The following BACH2 variants were observed in gnomAD, a reference collection of about 807,000 sequenced individuals.
BACH2 encodes BACH transcriptional regulator 2.
Under a neutral mutation model 61.8 loss-of-function variants are expected in BACH2, and 5 were observed. That is an observed-to-expected ratio of 0.08 (90% CI 0.04 to 0.17). BACH2 has a LOEUF of 0.17. Among genes scored for constraint, BACH2 ranks in the 10% least tolerant of loss-of-function variants. The pLI is 1.00. For missense variants in BACH2, 824 were observed against 1,091.1 expected, an observed-to-expected ratio of 0.76 and a Z score of 3.45; for synonymous variants, 446 against 440.1, an observed-to-expected ratio of 1.01 and a Z score of -0.17.
intron 3 of BACH2, among the ~76,000 whole-genome samples, chr6:90,224,536 AAAC>A (rs1285064165): frequency 2.6e-5 from 4 of 152,238 alleles, no homozygotes; most frequent in African/African-American, 9.6e-5. Context: ...AAATAGTGGA[AAAC>A]ACTATTTCAA....
intron 5 of BACH2, among the ~76,000 whole-genome samples, chr6:90,052,118 G>A (rs1361176991): frequency 6.6e-6 from 1 of 152,152 alleles, no homozygotes; most frequent in African/African-American, 2.4e-5. Flanking sequence ...ATGAGGGCAA[G>A]TTTTGTAATT....
intron 1 of BACH2, among the ~76,000 whole-genome samples, chr6:90,295,703 A>T (rs1772332499): frequency 6.6e-6 from 1 of 150,706 alleles, no homozygotes; most frequent in Admixed American, 6.6e-5. Context: ...GACTTCATGG[A>T]GGATCTGTGG....
chr6:89,968,466 A>ATTGTTT (rs1192449748), intron 6 of BACH2, among the ~76,000 whole-genome samples: 3 of 152,236 alleles, frequency 2.0e-5, no homozygotes, highest in African/African-American at 7.2e-5. Context: ...TTAAGAAGGC[A>ATTGTTT]ATAACATTAC....
intron 1 of BACH2, among the ~76,000 whole-genome samples, chr6:90,285,571 C>T (rs561707568): frequency 1.3e-4 from 20 of 152,160 alleles, no homozygotes; most frequent in Admixed American, 2.0e-4. Flanking sequence ...TGAGGCATAT[C>T]CAGAAATGCT....
chr6:90,100,537 A>G (rs1468357683), intron 4 of BACH2, among the ~76,000 whole-genome samples: 1 of 152,214 alleles, frequency 6.6e-6, no homozygotes, highest in Non-Finnish European at 1.5e-5. Flanking sequence ...GAATACTGAC[A>G]GCAGACTCCC....
chr6:90,222,952 T>C (rs554081529), intron 3 of BACH2, among the ~76,000 whole-genome samples: 6 of 152,292 alleles, frequency 3.9e-5, no homozygotes, highest in Admixed American at 1.3e-4. Context: ...CGCGCACCCC[T>C]GCTCTCTTTA....
chr6:89,946,493 T>G (rs1182385551), intron 7 of BACH2, among the ~76,000 whole-genome samples: 2 of 152,214 alleles, frequency 1.3e-5, no homozygotes, highest in African/African-American at 2.4e-5. Context: ...CTACTAACAG[T>G]AGGGTCACAA....
intron 6 of BACH2, among the ~76,000 whole-genome samples, chr6:89,987,435 C>T (rs998582519): frequency 6.6e-6 from 1 of 152,110 alleles, no homozygotes; most frequent in African/African-American, 2.4e-5. Flanking sequence ...TGAGTCCATG[C>T]CCCAGGTGGC....
chr6:89,967,744 C>A (rs1424991793), intron 6 of BACH2, among the ~76,000 whole-genome samples: 1 of 152,154 alleles, frequency 6.6e-6, no homozygotes, highest in African/African-American at 2.4e-5. Flanking sequence ...AGACTCAAAG[C>A]AAAAGGGAAA....
chr6:89,981,695 A>T (rs930650120), intron 6 of BACH2, among the ~76,000 whole-genome samples: 5 of 152,234 alleles, frequency 3.3e-5, no homozygotes, highest in African/African-American at 1.2e-4. Context: ...TAGTGGTAAC[A>T]TTATTTTCAA....
chr6:90,015,808 A>G (rs1490118069), intron 5 of BACH2, among the ~76,000 whole-genome samples: 2 of 152,176 alleles, frequency 1.3e-5, no homozygotes, highest in African/African-American at 4.8e-5. Flanking sequence ...CAAGTCTTCT[A>G]ATATCTTTTC....
At chr6:90,137,129 A>G (rs1031290002) in intron 4 of BACH2, among the ~76,000 whole-genome samples, 22 of 152,172 alleles carry the variant, frequency 1.4e-4, no homozygotes, top group African/African-American at 5.3e-4. Context: ...AGACAGAAAG[A>G]GGGACAGGCT....
intron 4 of BACH2, among the ~76,000 whole-genome samples, chr6:90,112,370 C>A (rs1032640467): frequency 6.6e-6 from 1 of 152,142 alleles, no homozygotes; most frequent in Non-Finnish European, 1.5e-5. Flanking sequence ...AGGTCAACTA[C>A]AAAGGGATCC....
intron 4 of BACH2, among the ~76,000 whole-genome samples, chr6:90,100,706 C>CACACACACACACACAG (rs1782580992): frequency 2.0e-4 from 28 of 143,280 alleles, no homozygotes; most frequent in Admixed American, 1.7e-3. Flanking sequence ...CACACAGACA[C>CACACACACACACACAG]ACACACACAC....
chr6:90,139,783 C>G (rs1221491674), intron 4 of BACH2, among the ~76,000 whole-genome samples: 1 of 152,120 alleles, frequency 6.6e-6, no homozygotes, highest in Non-Finnish European at 1.5e-5. Flanking sequence ...ACTAAGAAAT[C>G]CCTTTTAGCT....
intron 5 of BACH2, among the ~76,000 whole-genome samples, chr6:90,015,700 T>C (rs1246593785): frequency 1.3e-5 from 2 of 152,210 alleles, no homozygotes; most frequent in East Asian, 1.9e-4. Context: ...GTGACCCACC[T>C]TGGTAAATAC....
chr6:89,972,611 G>C (rs563872003), intron 6 of BACH2, among the ~76,000 whole-genome samples: 1 of 152,266 alleles, frequency 6.6e-6, no homozygotes, highest in South Asian at 2.1e-4. Context: ...ATAAATTTTG[G>C]AGGAGGATAG....
In BACH2 at chr6:89,932,600, T is replaced by A; in HGVS notation, c.2334A>T (p.Gly778=). Residue 778 remains glycine (G), a synonymous_variant, in exon 9 of 9, where the codon GGA becomes GGT. Transcript: ENST00000257749. ...AGGTGTTGCTGGGTGCCCAGGGGGG[T>A]CCGGGGGGAGCCGCGCCTGGCTCCA... ...CCLEPGAAPP[G]PPWAPSNTSE... The A allele has an allele frequency of 1.2e-6, 2 of 1,613,968 alleles. No homozygotes were observed. The highest frequency in any genetic ancestry group is 1.1e-5 in the South Asian group (1 of 91,068).
chr6:90,137,016 T>C (rs1004639653), intron 4 of BACH2, among the ~76,000 whole-genome samples: 2 of 152,088 alleles, frequency 1.3e-5, no homozygotes, highest in Admixed American at 1.3e-4. Flanking sequence ...GCAGTCCTGG[T>C]AGCATGTCAT....
Sources: gnomAD v4.1 joint callset for allele counts (sites outside exome capture counted in the v4.1 genomes callset) on GRCh38, gnomAD v4.1.1 for gene constraint, MANE v1.5 for transcripts, NCBI Gene and HGNC (gene_info 2026-07-23, HGNC 2026-07-21) for gene names.